Variants in MECOM observed in about 807,000 individuals in gnomAD.
MECOM encodes the protein histone-lysine N-methyltransferase MECOM.
MECOM carries 13 observed loss-of-function variants against 116.3 expected under a neutral mutation model. That is an observed-to-expected ratio of 0.11 (90% confidence interval 0.07 to 0.18). The LOEUF (loss-of-function observed/expected upper bound fraction) is 0.18, where lower values mean the gene tolerates loss of function less well. MECOM is among the 10% of genes least tolerant of loss of function. The pLI, the probability that MECOM is intolerant of heterozygous loss-of-function variation, is 1.00. For missense variants in MECOM, 1,299 were observed against 1,509.0 expected, an observed-to-expected ratio of 0.86 and a Z score of 2.31; for synonymous variants, 528 against 535.2, an observed-to-expected ratio of 0.99 and a Z score of 0.19.
intron 2 of MECOM, among the ~76,000 whole-genome samples, chr3:169,215,655 A>G (rs77650370): frequency 0.016 from 2,501 of 152,302 alleles, 176 homozygotes; most frequent in East Asian, 0.12. Context: ...TGATGTGGCA[A>G]AATCACCCTC....
chr3:169,638,080 G>A (rs749499507), intron 1 of MECOM, among the ~76,000 whole-genome samples: 18 of 152,114 alleles, frequency 1.2e-4, no homozygotes, highest in Non-Finnish European at 2.2e-4. Flanking sequence ...AGTTCCCAAA[G>A]TACTTTATAC....
At chr3:169,180,634 A>G (rs1410735262) in intron 2 of MECOM, among the ~76,000 whole-genome samples, 1 of 151,586 alleles carries the variant, frequency 6.6e-6, no homozygotes, top group Non-Finnish European at 1.5e-5. Context: ...ACAGGATTTC[A>G]TGTTTTGTCT....
chr3:169,375,723 G>GATTC (rs1183393062), intron 2 of MECOM, among the ~76,000 whole-genome samples: 1 of 152,122 alleles, frequency 6.6e-6, no homozygotes, highest in Admixed American at 6.6e-5. Context: ...GGACCAGACA[G>GATTC]ATTCACAGGT....
chr3:169,116,952 T>C (rs1560192924), intron 7 of MECOM, among the ~76,000 whole-genome samples: 1 of 152,126 alleles, frequency 6.6e-6, no homozygotes, highest in Non-Finnish European at 1.5e-5. Context: ...GCAGCACAAA[T>C]ATTTCATATA....
At chr3:169,303,835 T>C (rs1344041896) in intron 2 of MECOM, among the ~76,000 whole-genome samples, 2 of 152,248 alleles carry the variant, frequency 1.3e-5, no homozygotes, top group African/African-American at 4.8e-5. Context: ...TCTTCTTTCC[T>C]TTGGCTATAT....
At chr3:169,663,152 G>A (rs926389760) in intron 1 of MECOM, among the ~76,000 whole-genome samples, 184 bp downstream of exon 1, 1 of 150,802 alleles carries the variant, frequency 6.6e-6, no homozygotes, top group African/African-American at 2.4e-5. Flanking sequence ...ACCCGGGAGC[G>A]AGAGCGCGGG....
chr3:169,432,378 G>A (rs1202446554), intron 1 of MECOM, among the ~76,000 whole-genome samples: 5 of 152,078 alleles, frequency 3.3e-5, no homozygotes, highest in Admixed American at 1.3e-4. Context: ...GGCTGGTCTC[G>A]AACTCCTGAC....
At chr3:169,589,330 A>G (rs1766130742) in intron 1 of MECOM, among the ~76,000 whole-genome samples, 2 of 152,102 alleles carry the variant, frequency 1.3e-5, no homozygotes, top group African/African-American at 4.8e-5. Context: ...AGGGTGAATG[A>G]CACCACTATT....
intron 2 of MECOM, among the ~76,000 whole-genome samples, chr3:169,244,984 C>T (rs1414710927): frequency 6.6e-6 from 1 of 151,892 alleles, no homozygotes; most frequent in African/African-American, 2.4e-5. Flanking sequence ...CAAACAACAG[C>T]AAAAAAACGA....
At chr3:169,624,600 G>A (rs1233710420) in intron 1 of MECOM, among the ~76,000 whole-genome samples, 4 of 152,270 alleles carry the variant, frequency 2.6e-5, no homozygotes, top group South Asian at 4.1e-4. Context: ...ACAGCTGTTC[G>A]GGCTGCTCTG....
intron 2 of MECOM, among the ~76,000 whole-genome samples, chr3:169,291,907 T>C (rs1331377111): frequency 6.6e-6 from 1 of 152,186 alleles, no homozygotes; most frequent in East Asian, 1.9e-4. Flanking sequence ...CACAGGGAGC[T>C]GCATACTTCA....
intron 1 of MECOM, among the ~76,000 whole-genome samples, chr3:169,428,687 T>C (rs923929610): frequency 2.3e-4 from 35 of 152,234 alleles, no homozygotes; most frequent in Admixed American, 9.2e-4. Flanking sequence ...GTACCTTTTT[T>C]CTACTTGCAA....
At chr3:169,532,353 A>G (rs1412228735) in intron 1 of MECOM, among the ~76,000 whole-genome samples, 2 of 152,218 alleles carry the variant, frequency 1.3e-5, no homozygotes, top group Non-Finnish European at 1.5e-5. Flanking sequence ...AGACATTGAA[A>G]TAGAAATCAC....
intron 1 of MECOM, among the ~76,000 whole-genome samples, chr3:169,454,317 A>G (rs1289591661): frequency 6.8e-6 from 1 of 146,842 alleles, no homozygotes; most frequent in Non-Finnish European, 1.5e-5. Context: ...TAAGGTTTGG[A>G]GGATTTTTTT....
intron 2 of MECOM, among the ~76,000 whole-genome samples, chr3:169,151,438 T>C (rs1422351722): frequency 1.3e-5 from 2 of 152,236 alleles, no homozygotes; most frequent in Non-Finnish European, 2.9e-5. Context: ...TTCTGCAGCT[T>C]TGGGTTTCTT....
At chr3:169,417,978 G>T (rs1324510232) in intron 1 of MECOM, among the ~76,000 whole-genome samples, 2 of 146,428 alleles carry the variant, frequency 1.4e-5, no homozygotes, top group African/African-American at 5.0e-5. Context: ...GAGCGGGGAG[G>T]GATAGCATTA....
At chr3:169,456,673 G>A (rs1435204394) in intron 1 of MECOM, among the ~76,000 whole-genome samples, 1 of 152,068 alleles carries the variant, frequency 6.6e-6, no homozygotes, top group Admixed American at 6.5e-5. Context: ...CAAATTCCCT[G>A]TCCTAGGGGA....
chr3:169,174,298 TG>T (rs1744844319), intron 2 of MECOM, among the ~76,000 whole-genome samples: 1 of 152,158 alleles, frequency 6.6e-6, no homozygotes, highest in African/African-American at 2.4e-5. Flanking sequence ...ATAATTAAAG[TG>T]GAACTAAATT....
At chr3:169,402,686 G>C (rs1358726116) in intron 1 of MECOM, among the ~76,000 whole-genome samples, 1 of 151,952 alleles carries the variant, frequency 6.6e-6, no homozygotes, top group Non-Finnish European at 1.5e-5. Flanking sequence ...TAAGACATTA[G>C]AGGACACCTT....
Sources: gnomAD v4.1 joint callset for allele counts (sites outside exome capture counted in the v4.1 genomes callset) on GRCh38, gnomAD v4.1.1 for gene constraint, MANE v1.5 for transcripts, NCBI Gene and HGNC (gene_info 2026-07-23, HGNC 2026-07-21) for gene names.